COL4A1: variants seen among roughly 807,000 people sequenced by gnomAD.
COL4A1 encodes the protein collagen alpha-1(IV) chain.
COL4A1 carries 40 observed loss-of-function variants against 216.6 expected under a neutral mutation model. The observed-to-expected ratio is 0.18, with a 90% CI of 0.14 to 0.24. COL4A1 has a LOEUF of 0.24. Ranked by LOEUF, COL4A1 falls within the 10% of genes least tolerant of loss-of-function variation. The probability of loss-of-function intolerance (pLI) is 1.00; values close to 1 mark genes in which losing one functional copy is unlikely to be tolerated. For synonymous variants in COL4A1, 839 were observed against 810.7 expected (o/e 1.03, Z -0.59); for missense variants, 1,628 against 2,196.8 (o/e 0.74, Z 5.18).
At chr13:110,155,128 G>C (rs963802504) in intron 50 of COL4A1, among the ~76,000 whole-genome samples, 155 bp downstream of exon 50, 17 of 152,184 alleles carry the variant, frequency 1.1e-4, no homozygotes, top group Admixed American at 1.1e-3. Flanking sequence ...GCCAGGCTTT[G>C]AGGCATGCTT....
chr13:110,150,698 C>T (rs2138415799), intron 51 of COL4A1, among the ~76,000 whole-genome samples: 1 of 152,354 alleles, frequency 6.6e-6, no homozygotes, highest in South Asian at 2.1e-4. Context: ...CCCCATAGGG[C>T]ACAGCTGAAG....
chr13:110,200,207 G>A (rs1879120284), intron 20 of COL4A1, among the ~76,000 whole-genome samples: 3 of 152,276 alleles, frequency 2.0e-5, no homozygotes, highest in African/African-American at 7.2e-5. Context: ...TGGGACCTGG[G>A]AGAATACCAC....
intron 49 of COL4A1, among the ~76,000 whole-genome samples, chr13:110,158,782 G>A (rs988814598): frequency 1.5e-4 from 19 of 127,028 alleles, no homozygotes; most frequent in South Asian, 4.8e-4. Context: ...TGCTCTTGTC[G>A]CCTAGGCTGG....
intron 41 of COL4A1, among the ~76,000 whole-genome samples, chr13:110,172,040 C>T (rs1387617133): frequency 6.6e-6 from 1 of 152,262 alleles, no homozygotes; most frequent in African/African-American, 2.4e-5. Flanking sequence ...CCTGCTCCTT[C>T]TCAGCTGAAG....
chr13:110,219,868 G>GCATATATA (rs1880360437), intron 2 of COL4A1, among the ~76,000 whole-genome samples: 2 of 101,220 alleles, frequency 2.0e-5, no homozygotes, highest in Admixed American at 1.1e-4. Flanking sequence ...ATATATGTGT[G>GCATATATA]TGTATATATG....
At chr13:110,247,533 T>C (rs922018416) in intron 1 of COL4A1, among the ~76,000 whole-genome samples, 2 of 152,274 alleles carry the variant, frequency 1.3e-5, no homozygotes, top group African/African-American at 4.8e-5. Context: ...ATAAAGTATA[T>C]TAAGTTCTTA....
chr13:110,251,499 C>A (rs1374820838), intron 1 of COL4A1, among the ~76,000 whole-genome samples: 1 of 152,236 alleles, frequency 6.6e-6, no homozygotes, highest in East Asian at 1.9e-4. Flanking sequence ...GCCAGGCACC[C>A]CCCAGTGCTA....
At chr13:110,275,321 G>T (rs1883389304) in intron 1 of COL4A1, among the ~76,000 whole-genome samples, 1 of 152,160 alleles carries the variant, frequency 6.6e-6, no homozygotes, top group African/African-American at 2.4e-5. Flanking sequence ...TTCCACATAG[G>T]TTATGGGGAA....
At chr13:110,176,384 C>T (rs373943314) in intron 36 of COL4A1, 40 bp downstream of exon 36, 252 of 1,353,170 alleles carry the variant, frequency 1.9e-4, no homozygotes, top group Middle Eastern at 1.2e-3. Context: ...CAGTATCACA[C>T]GCACACATGC....
Position 110,174,479 on chromosome 13 carries a change from A to G in COL4A1, c.3373T>C (p.Leu1125=). The part of the protein sequence containing the change: ...GEKGDKGLPG[L]DGIPGVKGEA... ...CCTTTGACACCAGGGATGCCATCCAATCCTGGGAGGCCTTTGTCACCTTTT... is the reference window on the plus strand; with the variant it reads ...CCTTTGACACCAGGGATGCCATCCAGTCCTGGGAGGCCTTTGTCACCTTTT... Residue 1125 remains leucine, a synonymous_variant, in exon 39 of 52, where the codon TTG becomes CTG. Coordinates refer to ENST00000375820, the MANE Select transcript of COL4A1 (RefSeq NM_001845.6). 1 of 1,614,096 alleles carries G rather than the reference A, an allele frequency of 6.2e-7. No individual in the cohort carries two copies. The highest frequency in any genetic ancestry group is 8.5e-7 in the Non-Finnish European group (1 of 1,180,004).
chr13:110,197,774 T>G (rs1039410565), intron 21 of COL4A1, among the ~76,000 whole-genome samples: 1 of 152,224 alleles, frequency 6.6e-6, no homozygotes, highest in East Asian at 1.9e-4. Flanking sequence ...CTGTGAATCC[T>G]TTCTCAATCA....
chr13:110,216,235 C>A (rs1038056162), intron 2 of COL4A1, among the ~76,000 whole-genome samples: 1 of 152,138 alleles, frequency 6.6e-6, no homozygotes, highest in Admixed American at 6.5e-5. Flanking sequence ...CATTCCCAGA[C>A]CAGGACTTGT....
intron 2 of COL4A1, among the ~76,000 whole-genome samples, chr13:110,217,910 T>C (rs1228910099): frequency 6.6e-6 from 1 of 152,240 alleles, no homozygotes; most frequent in East Asian, 1.9e-4. Flanking sequence ...AAAGCAAGCA[T>C]ATACTTTTTA....
At chr13:110,212,729 C>G in intron 4 of COL4A1, 111 bp from the exon 5 acceptor site, 1 of 1,268,074 alleles carries the variant, frequency 7.9e-7, no homozygotes, top group Non-Finnish European at 1.1e-6. Flanking sequence ...TGTCAGAACA[C>G]ACACAAAGCA....
chr13:110,223,791 G>A (rs1594598641), intron 2 of COL4A1, among the ~76,000 whole-genome samples: 1 of 152,134 alleles, frequency 6.6e-6, no homozygotes, highest in African/African-American at 2.4e-5. Flanking sequence ...AGCTCTCTGG[G>A]GGTTCCTGCC....
At position 110,150,121 on chromosome 13, in the gene COL4A1, T is replaced by G. The variant is rs1876429548; in HGVS notation, c.*242A>C. ...CATTGGATTGCAGAAAATATTGATA[T>G]TTTATTTCATCAAAAGTGCCATTTG... On this transcript the variant is annotated 3_prime_UTR_variant, in exon 52 of 52. Coordinates refer to ENST00000375820, the MANE Select transcript of COL4A1 (RefSeq NM_001845.6). The G allele has an allele frequency of 7.3e-6, 4 of 550,070 alleles. No individual in the cohort carries two copies. The South Asian group carries it at 7.9e-5, about 11-fold the overall frequency. The allele number at this position is 550,070 out of a possible 1,614,324, so 34.1% of individuals were successfully genotyped here.
intron 1 of COL4A1, among the ~76,000 whole-genome samples, chr13:110,302,163 T>C (rs9521686): frequency 0.75 from 113,675 of 152,014 alleles, 42,541 homozygotes; most frequent in Admixed American, 0.8. Context: ...ACTGAGCAGA[T>C]GCAGAGGATA....
At position 110,152,498 on chromosome 13, in the gene COL4A1, G is replaced by A. The variant is rs779680003; in HGVS notation, c.4764C>T (p.Ser1588=). The change falls in exon 51 of 52, where the codon AGC becomes AGT. Residue 1588 remains serine, a synonymous_variant. Coordinates refer to ENST00000375820, the MANE Select transcript of COL4A1 (RefSeq NM_001845.6). ...WIGYSFVMHT[S]AGAEGSGQAL... is the part of the protein sequence containing the mutation. ...CTTGGCCAGAGCCTTCTGCACCAGC[G>A]CTGGTGTGCTGCAGAACAGATGCGA... 5 of 1,611,362 alleles carry A rather than the reference G, an allele frequency of 3.1e-6. No individual in the cohort carries two copies. Among genetic ancestry groups the A allele is most frequent in the Admixed American group, 1.7e-5 (1 of 59,884 alleles).
chr13:110,298,454 T>C (rs995869522), intron 1 of COL4A1, among the ~76,000 whole-genome samples: 15 of 152,218 alleles, frequency 9.9e-5, no homozygotes, highest in Admixed American at 5.2e-4. Context: ...TGTGTATGTG[T>C]CCGAAATAAA....
Sources: gnomAD v4.1 joint callset for allele counts (sites outside exome capture counted in the v4.1 genomes callset) on GRCh38, gnomAD v4.1.1 for gene constraint, MANE v1.5 for transcripts, NCBI Gene and HGNC (gene_info 2026-07-23, HGNC 2026-07-21) for gene names.